IQGAP3: variants seen among roughly 807,000 people sequenced by gnomAD.
The protein encoded by IQGAP3 is IQ motif containing GTPase activating protein 3.
IQGAP3 carries 165 observed loss-of-function variants against 208.2 expected under a neutral mutation model. The observed-to-expected ratio is 0.79, with a 90% CI of 0.70 to 0.90. IQGAP3 has a LOEUF of 0.90. Ranked by LOEUF, IQGAP3 falls within the 40% of genes least tolerant of loss-of-function variation. The probability of loss-of-function intolerance (pLI) is 0.00; values close to 1 mark genes in which losing one functional copy is unlikely to be tolerated. For synonymous variants in IQGAP3, 703 were observed against 803.6 expected (o/e 0.87, Z 2.12); for missense variants, 1,811 against 2,043.1 (o/e 0.89, Z 2.19).
rs183056633 is a variant in IQGAP3 at position 156,534,379 on chromosome 1, C to T, written c.3740+122G>A. On this transcript the variant is annotated intron_variant, in intron 29 of 37. Coordinates refer to ENST00000361170, the MANE Select transcript of IQGAP3 (RefSeq NM_178229.5). ...CCTTCCAACAACCTATCCTCCACCC[C>T]GCTCATTATGCTCATCCCTTCTATT... The T allele has an allele frequency of 2.3e-4, 212 of 922,866 alleles. 2 individuals carry two copies. The East Asian group carries it at 4.8e-3, about 21-fold the overall frequency. The allele number at this position is 922,866 out of a possible 1,614,324, so 57.2% of individuals were successfully genotyped here. A position where few individuals can be genotyped will look rare whatever the true frequency, so the allele number is the denominator to read the frequency against.
chr1:156,531,062 A>C lies in IQGAP3; in HGVS notation c.4191+98T>G. 5 of 845,020 alleles carry C rather than the reference A, an allele frequency of 5.9e-6. 1 individual carries two copies. In the South Asian group the frequency reaches 6.7e-5, roughly 11 times the overall value. 52.3% of individuals were successfully genotyped at this position (845,020 alleles called of 1,614,324 possible). On this transcript the variant is annotated intron_variant, in intron 33 of 37. Transcript: ENST00000361170. The stretch of plus-strand genomic sequence containing the variant: ...GAGCACAGGTGTCTGCTTCTGGCTG[A>C]TGTGGGTGAGGTTCAGAGGAGGGAA...
At position 156,554,331 on chromosome 1, in the gene IQGAP3, T is replaced by C. The variant is rs1392089894; in HGVS notation, c.1352A>G (p.Asn451Ser). Residue 451 changes from asparagine to serine, a missense_variant, in exon 13 of 38, where the codon AAC (asparagine) becomes AGC (serine). Coordinates refer to ENST00000361170, the MANE Select transcript of IQGAP3 (RefSeq NM_178229.5). ...VEMLSAVVLI[N>S]RALEARDASG... ...GGCATCCCGGGCCTCCAGGGCCCGG[T>C]TAATCAGGACCACAGCTGAGAGCAT... 1.8e-5 allele frequency: 29 copies of C among 1,614,084 alleles called. No homozygotes were observed. Among genetic ancestry groups the C allele is most frequent in the Non-Finnish European group, 2.5e-5 (29 of 1,179,988 alleles).
chr1:156,560,872 G>A (rs1332700836), intron 11 of IQGAP3, 62 bp downstream of exon 11: 1 of 1,167,492 alleles, frequency 8.6e-7, no homozygotes, highest in African/African-American at 1.5e-5. Flanking sequence ...CAAAGAGGTG[G>A]GATACTCTTC....
At chr1:156,554,524 A>G in intron 12 of IQGAP3, 132 bp from the exon 13 acceptor site, 3 of 741,352 alleles carry the variant, frequency 4.0e-6, no homozygotes, top group Non-Finnish European at 4.2e-6. Context: ...TGATTCACTC[A>G]CTAATAATCA....
chr1:156,562,332 C>T (rs574698612), intron 9 of IQGAP3, among the ~76,000 whole-genome samples: 3 of 152,222 alleles, frequency 2.0e-5, no homozygotes, highest in Admixed American at 6.5e-5. Context: ...CAACTGCCCC[C>T]CCGGCATCAA....
chr1:156,553,825 C>T (rs561562485), intron 13 of IQGAP3, among the ~76,000 whole-genome samples: 51 of 152,354 alleles, frequency 3.3e-4, no homozygotes, highest in African/African-American at 1.2e-3. Flanking sequence ...AAGTGATCCT[C>T]CCGCCTTGGC....
At chr1:156,531,317 G>T in intron 32 of IQGAP3, 70 bp from the exon 33 acceptor site, 1 of 1,137,100 alleles carries the variant, frequency 8.8e-7, no homozygotes, top group South Asian at 1.2e-5. Context: ...GGACTGGCCA[G>T]AGGTCTGAGA....
rs1162926407 is a variant in IQGAP3, at chr1:156,529,935, G to GA, written c.4404+169dup. Among the ~76,000 whole-genome samples the GA allele has an allele frequency of 1.3e-4, 13 of 97,486 alleles. No homozygotes were observed. The South Asian group carries it at 1.4e-3, about 10-fold the overall frequency. 64.0% of individuals were successfully genotyped at this position (97,486 alleles called of 152,430 possible). On this transcript the variant is annotated intron_variant, in intron 34 of 37. Transcript: ENST00000361170. ...CTGTCTCAAAAAAAAAAAAAAAAAAGAAAAAAAAATCTTTCCTTCAAAAAG... is the reference window on the plus strand; with the variant it reads ...CTGTCTCAAAAAAAAAAAAAAAAAAGAAAAAAAAAATCTTTCCTTCAAAAAG...
In IQGAP3 at chr1:156,534,482, G is replaced by A; in HGVS notation, c.3740+19C>T. The A allele has an allele frequency of 1.3e-6, 2 of 1,515,402 alleles. No individual in the cohort carries two copies. The highest frequency in any genetic ancestry group is 1.8e-6 in the Non-Finnish European group (2 of 1,119,946). 93.9% of individuals were successfully genotyped at this position (1,515,402 alleles called of 1,614,324 possible). ...GAGAAGAGGGAAGAAAGGGGACAGA[G>A]AGGAAAGGGACCCAAGACCTGAACT... On this transcript the variant is annotated intron_variant, in intron 29 of 37. Transcript: ENST00000361170.
At chr1:156,545,104 G>T (rs1456682389) in intron 19 of IQGAP3, among the ~76,000 whole-genome samples, 1 of 152,058 alleles carries the variant, frequency 6.6e-6, no homozygotes, top group East Asian at 1.9e-4. Flanking sequence ...TCCCACCAAG[G>T]TCCCCAGTAA....
At chr1:156,542,336 C>A (rs542189684) in intron 22 of IQGAP3, among the ~76,000 whole-genome samples, 1 of 152,036 alleles carries the variant, frequency 6.6e-6, no homozygotes, top group Admixed American at 6.5e-5. Context: ...ATTACAGGTA[C>A]CTGTCACCAT....
intron 11 of IQGAP3, among the ~76,000 whole-genome samples, chr1:156,560,702 C>T (rs1205662336): frequency 6.6e-6 from 1 of 152,188 alleles, no homozygotes; most frequent in Admixed American, 6.5e-5. Context: ...CCCAGGAGAA[C>T]AGCCCAGTGC....
chr1:156,530,117 G>T lies in IQGAP3; in HGVS notation c.4392C>A (p.Asp1464Glu), dbSNP rs374068925. 2.5e-6 allele frequency: 4 copies of T among 1,601,986 alleles called. No individual in the cohort carries two copies. Among genetic ancestry groups the T allele is most frequent in the Admixed American group, 3.4e-5 (2 of 58,310 alleles). ...CCCAGGTTGTTACCTTGGCCAGCTC[G>T]TCCACTAGCCCCTGGTAGCCATTTC... ...SARNGYQGLV[D>E]ELAKDIRNQH... Residue 1464 changes from aspartate (D) to glutamate (E), a missense_variant, in exon 34 of 38, where the codon GAC becomes GAA. Physicochemically the swap from Asp to Glu is conservative, Grantham distance 45. Transcript: ENST00000361170.
intron 26 of IQGAP3, among the ~76,000 whole-genome samples, chr1:156,538,420 C>A (rs1208482929): frequency 6.6e-6 from 1 of 151,916 alleles, no homozygotes; most frequent in Non-Finnish European, 1.5e-5. Context: ...AACTCCTGAC[C>A]TCAGGTGATC....
chr1:156,562,629 G>A lies in IQGAP3; in HGVS notation c.835C>T (p.Leu279=). ...TTGCCCTGGATTTCAGCCTGAGTTA[G>A]GTAGTGGTCATAGATGTCCTGGCTT... The part of the protein sequence containing the change: ...RESQDIYDHY[L]TQAEIQGNIN... The change falls in exon 9 of 38, where the codon CTA becomes TTA. Residue 279 remains leucine (L), a synonymous_variant. Transcript: ENST00000361170. The A allele has an allele frequency of 6.2e-7, 1 of 1,614,142 alleles. No homozygotes were observed. Among genetic ancestry groups the A allele is most frequent in the Non-Finnish European group, 8.5e-7 (1 of 1,180,016 alleles).
intron 22 of IQGAP3, 22 bp downstream of exon 22, chr1:156,543,959 G>C: frequency 6.2e-7 from 1 of 1,611,032 alleles, no homozygotes; most frequent in Non-Finnish European, 8.5e-7. Flanking sequence ...AACAGCTGGG[G>C]AGGGTGGATC....
Position 156,550,579 on chromosome 1 carries a change from C to T in IQGAP3, c.1735-228G>A, listed in dbSNP as rs61688446. Among the ~76,000 whole-genome samples the T allele has an allele frequency of 4.9e-3, 744 of 152,274 alleles. 5 individuals are homozygous for T. Among genetic ancestry groups the T allele is most frequent in the African/African-American group, 0.017 (706 of 41,554 alleles). ...ATCCTATTGGGCTTTCAGGTCTACT[C>T]GGCTTGGCCACAGCACCTCCAGAAC... On this transcript the variant is annotated intron_variant, in intron 15 of 37. Transcript: ENST00000361170.
intron 35 of IQGAP3, 123 bp downstream of exon 35, chr1:156,528,793 A>G: frequency 1.6e-6 from 2 of 1,229,270 alleles, no homozygotes; most frequent in Non-Finnish European, 2.3e-6. Flanking sequence ...CAGACTTAGG[A>G]AGGGACTGTG....
rs1166156458 is a variant in IQGAP3 at position 156,525,494 on chromosome 1, G to C, written c.*992C>G. 3 of 152,586 alleles carry C rather than the reference G, an allele frequency of 2.0e-5. No homozygotes were observed. Among genetic ancestry groups the C allele is most frequent in the Admixed American group, 2.0e-4 (3 of 15,266 alleles). 9.5% of individuals were successfully genotyped at this position (152,586 alleles called of 1,614,324 possible). On this transcript the variant is annotated 3_prime_UTR_variant, in exon 38 of 38. Transcript: ENST00000361170. ...GGGACAACAGAGAGACTGTGGCAGAGGCAGGACTGCAGATCTATGGAAATT... is the reference window on the plus strand; with the variant it reads ...GGGACAACAGAGAGACTGTGGCAGACGCAGGACTGCAGATCTATGGAAATT...
Sources: allele counts gnomAD v4.1 joint callset (sites outside exome capture counted in the v4.1 genomes callset), GRCh38; gene constraint gnomAD v4.1.1; transcripts MANE v1.5; gene names NCBI Gene and HGNC (gene_info 2026-07-23, HGNC 2026-07-21).